The following CACNB4 variants were observed in gnomAD, a reference collection of about 807,000 sequenced individuals.
The protein encoded by CACNB4 is voltage-dependent L-type calcium channel subunit beta-4.
CACNB4 carries 32 observed loss-of-function variants against 71.2 expected under a neutral mutation model. The observed-to-expected ratio is 0.45, with a 90% CI of 0.34 to 0.60. The LOEUF (loss-of-function observed/expected upper bound fraction) is 0.60. Among genes scored for constraint, CACNB4 ranks in the 20% least tolerant of loss-of-function variants. CACNB4 has a pLI of 0.01. For missense variants in CACNB4, 464 were observed against 647.9 expected, an observed-to-expected ratio of 0.72 and a Z score of 3.08; for synonymous variants, 231 against 236.9, an observed-to-expected ratio of 0.97 and a Z score of 0.23.
intron 2 of CACNB4, among the ~76,000 whole-genome samples, chr2:152,076,812 T>C (rs1386451761): frequency 1.3e-5 from 2 of 152,230 alleles, no homozygotes; most frequent in Non-Finnish European, 2.9e-5. Context: ...TCTGTCAACC[T>C]GGAAAGTGCA....
chr2:151,937,070 G>C (rs1226888143), intron 2 of CACNB4, among the ~76,000 whole-genome samples: 1 of 152,160 alleles, frequency 6.6e-6, no homozygotes, highest in Non-Finnish European at 1.5e-5. Context: ...TCATGGAAAA[G>C]GCACAAATTA....
chr2:151,860,608 G>C, intron 10 of CACNB4, 103 bp downstream of exon 10: 1 of 819,206 alleles, frequency 1.2e-6, no homozygotes, highest in Non-Finnish European at 2.1e-6. Flanking sequence ...GTGCTCCCCC[G>C]TTCAGAATGG....
chr2:152,088,105 T>C (rs983969305), intron 2 of CACNB4, among the ~76,000 whole-genome samples: 5 of 148,886 alleles, frequency 3.4e-5, no homozygotes, highest in Non-Finnish European at 7.4e-5. Flanking sequence ...TATTAGATTA[T>C]GACATGCCTG....
At position 152,081,655 on chromosome 2, in the gene CACNB4, C is replaced by T. The variant is rs576714242; in HGVS notation, c.147+16675G>A. 2.6e-5 allele frequency among the ~76,000 whole-genome samples: 4 copies of T among 152,178 alleles called. No individual in the cohort carries two copies. The East Asian group carries it at 7.7e-4, about 29-fold the overall frequency. On this transcript the variant is annotated intron_variant, in intron 2 of 13. Transcript: ENST00000539935. ...AAGAGCACTAATTCCCTCATAGGGG[C>T]CCTACCCTCAAAATCTCATCTAAAC... is the stretch of plus-strand genomic sequence containing the variant.
At chr2:151,880,291 G>C (rs1190131886) in intron 4 of CACNB4, 2 of 155,482 alleles carry the variant, frequency 1.3e-5, no homozygotes, top group Non-Finnish European at 2.8e-5. Context: ...TTACCCTTTT[G>C]CCTTTCTGTT....
chr2:151,982,058 G>A (rs2099874810), intron 2 of CACNB4, among the ~76,000 whole-genome samples: 1 of 152,120 alleles, frequency 6.6e-6, no homozygotes, highest in Admixed American at 6.5e-5. Flanking sequence ...CATGGTGTCA[G>A]GTATGAAGAA....
At chr2:152,038,711 T>C (rs971246650) in intron 2 of CACNB4, among the ~76,000 whole-genome samples, 40 of 152,310 alleles carry the variant, frequency 2.6e-4, no homozygotes, top group African/African-American at 9.1e-4. Flanking sequence ...CAAAGACTCA[T>C]GGCATGTGAG....
intron 2 of CACNB4, chr2:151,973,522 A>G (rs2099873170): frequency 5.6e-6 from 4 of 710,722 alleles, no homozygotes; most frequent in Non-Finnish European, 9.5e-6. Flanking sequence ...GAACATTTAC[A>G]CAGCAGCCAG....
intron 2 of CACNB4, among the ~76,000 whole-genome samples, chr2:151,935,023 T>G (rs911997382): frequency 1.3e-4 from 20 of 152,208 alleles, no homozygotes; most frequent in African/African-American, 4.8e-4. Flanking sequence ...TTTCTTTGTA[T>G]AGTTAATACA....
chr2:151,895,847 T>TC (rs2099851924), intron 2 of CACNB4, among the ~76,000 whole-genome samples: 1 of 102 alleles, frequency 9.8e-3, no homozygotes, highest in Non-Finnish European at 0.028. Flanking sequence ...AATTGTGTAC[T>TC]TTTTTTTTTT....
intron 2 of CACNB4, among the ~76,000 whole-genome samples, chr2:152,013,800 G>A (rs146939596): frequency 4.6e-5 from 7 of 152,338 alleles, no homozygotes; most frequent in African/African-American, 1.7e-4. Flanking sequence ...TATGGGATGG[G>A]ATAGTGCCTT....
chr2:151,872,774 G>A lies in CACNB4; in HGVS notation c.522-281C>T, dbSNP rs376061640. 1.3e-3 allele frequency: 339 copies of A among 257,100 alleles called. 1 individual carries two copies. The highest frequency in any genetic ancestry group is 2.0e-3 in the Non-Finnish European group (272 of 135,820). 15.9% of individuals were successfully genotyped at this position (257,100 alleles called of 1,614,324 possible). A position where few individuals can be genotyped will look rare whatever the true frequency, so the allele number is the denominator to read the frequency against. On this transcript the variant is annotated intron_variant, in intron 5 of 13. Transcript: ENST00000539935. ...CCATCACTGACGGGAATGGTCTTAT[G>A]AACTGCTTGTTAACCTAACACCAGG... is the stretch of plus-strand genomic sequence containing the variant.
intron 2 of CACNB4, among the ~76,000 whole-genome samples, chr2:152,033,248 G>A (rs1351847548): frequency 1.3e-5 from 2 of 152,240 alleles, no homozygotes; most frequent in African/African-American, 4.8e-5. Context: ...TTACAAAAGG[G>A]CAGCTTTTGA....
In CACNB4 at chr2:151,837,680, G is replaced by C. The variant is rs1388773053; in HGVS notation, c.*1439C>G. The C allele has an allele frequency of 1.3e-5, 2 of 151,808 alleles. No homozygotes were observed. Among genetic ancestry groups the C allele is most frequent in the Admixed American group, 6.6e-5 (1 of 15,238 alleles). 9.4% of individuals were successfully genotyped at this position (151,808 alleles called of 1,614,324 possible). ...TTTCAATAATTTCTTAGATCAGAGT[G>C]AATCTAAGGCTTCCTTGATAATATA... On this transcript the variant is annotated 3_prime_UTR_variant, in exon 14 of 14. Coordinates refer to ENST00000539935, the MANE Select transcript of CACNB4 (RefSeq NM_000726.5).
intron 2 of CACNB4, among the ~76,000 whole-genome samples, chr2:152,036,261 A>G (rs933979271): frequency 4.6e-5 from 7 of 152,316 alleles, no homozygotes; most frequent in African/African-American, 1.4e-4. Flanking sequence ...TATAGTTAAC[A>G]CTGCTGTACT....
At position 151,881,260 on chromosome 2, in the gene CACNB4, T is replaced by C. The variant is rs542436521; in HGVS notation, c.268-338A>G. ...TTTATTTTAAATGATAACCAATAGCTTCTTAACTTGGAATACAGGAAATGT... is the reference window on the plus strand; with the variant it reads ...TTTATTTTAAATGATAACCAATAGCCTCTTAACTTGGAATACAGGAAATGT... On this transcript the variant is annotated intron_variant, in intron 3 of 13. Coordinates refer to ENST00000539935, the MANE Select transcript of CACNB4 (RefSeq NM_000726.5). 1.4e-4 allele frequency among the ~76,000 whole-genome samples: 21 copies of C among 152,068 alleles called. No homozygotes were observed. In the South Asian group the frequency reaches 4.4e-3, roughly 32 times the overall value.
intron 2 of CACNB4, among the ~76,000 whole-genome samples, chr2:151,898,707 T>C (rs558231465): frequency 6.6e-6 from 1 of 152,344 alleles, no homozygotes; most frequent in East Asian, 1.9e-4. Context: ...GACAAATTTA[T>C]TAAAAATAGG....
rs543329344 is a variant in CACNB4, at chr2:151,992,848, C to T, written c.147+105482G>A. ...CACATCCTTTGACTGACTCTTACTC[C>T]TCCAAAGTCAAGGTTAAGCCATGTC... On this transcript the variant is annotated intron_variant, in intron 2 of 13. Transcript: ENST00000539935. 7.2e-5 allele frequency among the ~76,000 whole-genome samples: 11 copies of T among 152,338 alleles called. No individual in the cohort carries two copies. The South Asian group carries it at 2.3e-3, about 32-fold the overall frequency.
rs552090487 is a variant in CACNB4 at position 151,943,010 on chromosome 2, T to C, written c.148-59640A>G. Among the ~76,000 whole-genome samples, 7 of 152,290 alleles carry C rather than the reference T, an allele frequency of 4.6e-5. No homozygotes were observed. The South Asian group carries it at 1.5e-3, about 32-fold the overall frequency. ...GTTTTTGCCCTTTGTCCTATTCCCTTAGAAGCATGTGATCTTTGTTCTGCT... is the reference window on the plus strand; with the variant it reads ...GTTTTTGCCCTTTGTCCTATTCCCTCAGAAGCATGTGATCTTTGTTCTGCT... On this transcript the variant is annotated intron_variant, in intron 2 of 13. Coordinates refer to ENST00000539935, the MANE Select transcript of CACNB4 (RefSeq NM_000726.5).
Sources: gnomAD v4.1 joint callset for allele counts (sites outside exome capture counted in the v4.1 genomes callset) on GRCh38, gnomAD v4.1.1 for gene constraint, MANE v1.5 for transcripts, NCBI Gene and HGNC (gene_info 2026-07-23, HGNC 2026-07-21) for gene names.